RFTN2: variants seen among roughly 807,000 people sequenced by gnomAD.
RFTN2 encodes raftlin-2.
Under a neutral mutation model 52.7 loss-of-function variants are expected in RFTN2, and 34 were observed. That is an observed-to-expected ratio of 0.64 (90% confidence interval 0.49 to 0.86). The LOEUF is 0.86. Ranked by LOEUF, RFTN2 falls within the 40% of genes least tolerant of loss-of-function variation. The probability of loss-of-function intolerance (pLI) is 0.00; values close to 1 mark genes in which losing one functional copy is unlikely to be tolerated. For missense variants in RFTN2, 536 were observed against 600.1 expected, an observed-to-expected ratio of 0.89 and a Z score of 1.12; for synonymous variants, 203 against 217.7, an observed-to-expected ratio of 0.93 and a Z score of 0.59.
intron 1 of RFTN2, 91 bp downstream of exon 1, chr2:197,675,229 A>G: frequency 2.1e-6 from 2 of 946,246 alleles, no homozygotes; most frequent in East Asian, 2.8e-5. Context: ...ATTATGAAGA[A>G]CAGTTTAAAA....
intron 7 of RFTN2, among the ~76,000 whole-genome samples, chr2:197,609,985 T>C (rs1418165020): frequency 2.0e-5 from 3 of 152,224 alleles, no homozygotes; most frequent in Non-Finnish European, 4.4e-5. Context: ...TATATCTGTT[T>C]TGGTACCAGT....
In RFTN2 at chr2:197,675,366, C is replaced by T; in HGVS notation, c.93G>A (p.Lys31=). ...ATACATATTCGTAAGCAAATTCTGT[C>T]TTTGTTTCCACTTGCGGTCTCTTCA... ...STLKRPQVET[K]TEFAYEYVLL... The change falls in exon 1 of 9, where the codon AAG becomes AAA. Residue 31 remains lysine (K), a synonymous_variant. Transcript: ENST00000295049. 1.2e-6 allele frequency: 2 copies of T among 1,604,212 alleles called. No homozygotes were observed. Among genetic ancestry groups the T allele is most frequent in the Non-Finnish European group, 8.5e-7 (1 of 1,175,504 alleles).
At chr2:197,598,347 A>C (rs2087824037) in intron 7 of RFTN2, among the ~76,000 whole-genome samples, 1 of 152,104 alleles carries the variant, frequency 6.6e-6, no homozygotes, top group South Asian at 2.1e-4. Context: ...AGAAAAAAGA[A>C]AAACAAATTC....
intron 1 of RFTN2, among the ~76,000 whole-genome samples, chr2:197,665,264 C>G (rs1559368826): frequency 6.6e-6 from 1 of 152,128 alleles, no homozygotes; most frequent in Non-Finnish European, 1.5e-5. Context: ...AAAACTAAAA[C>G]TGCTCAAAAT....
chr2:197,588,747 C>T (rs1209438402), intron 8 of RFTN2, among the ~76,000 whole-genome samples: 2 of 152,162 alleles, frequency 1.3e-5, no homozygotes, highest in Non-Finnish European at 2.9e-5. Flanking sequence ...TGAGAAGCTG[C>T]CAAACTGTTT....
intron 7 of RFTN2, among the ~76,000 whole-genome samples, chr2:197,602,616 G>T (rs1183337607): frequency 6.6e-6 from 1 of 151,378 alleles, no homozygotes; most frequent in African/African-American, 2.4e-5. Context: ...TTGGCTCACT[G>T]CAACCTCTGT....
At chr2:197,612,204 A>G (rs1165669796) in intron 7 of RFTN2, among the ~76,000 whole-genome samples, 1 of 152,074 alleles carries the variant, frequency 6.6e-6, no homozygotes, top group East Asian at 1.9e-4. Flanking sequence ...CTGCCTTTAA[A>G]TTCTGCCTTC....
At chr2:197,635,010 G>A (rs1274525570) in intron 3 of RFTN2, among the ~76,000 whole-genome samples, 3 of 150,686 alleles carry the variant, frequency 2.0e-5, no homozygotes, top group Non-Finnish European at 4.4e-5. Flanking sequence ...TCTTGCGATA[G>A]TTTACTAAGA....
intron 8 of RFTN2, among the ~76,000 whole-genome samples, chr2:197,575,409 T>G (rs938154046): frequency 1.3e-5 from 2 of 152,208 alleles, no homozygotes; most frequent in Non-Finnish European, 2.9e-5. Flanking sequence ...AAGGGTGAAG[T>G]GGACCCTTTC....
intron 3 of RFTN2, among the ~76,000 whole-genome samples, chr2:197,641,902 T>A (rs1284495594): frequency 1.3e-5 from 2 of 152,214 alleles, no homozygotes; most frequent in Non-Finnish European, 2.9e-5. Flanking sequence ...AACAGTACTT[T>A]CCTGTTTAAA....
chr2:197,624,128 C>T (rs2088312891), intron 5 of RFTN2, among the ~76,000 whole-genome samples: 1 of 151,858 alleles, frequency 6.6e-6, no homozygotes, highest in Admixed American at 6.6e-5. Context: ...ATGGAATCTA[C>T]TCCTGGTGAA....
rs1364501712 is a variant in RFTN2 at position 197,611,946 on chromosome 2, T to G, written c.1154+3930A>C. 2.0e-5 allele frequency among the ~76,000 whole-genome samples: 3 copies of G among 152,170 alleles called. No individual in the cohort carries two copies. The East Asian group carries it at 5.8e-4, about 29-fold the overall frequency. ...TTTGAGTGAGTTTCTTAATCCTGAGTTCTAATTTGATTGCACTGTGGTCTG... is the reference window on the plus strand; with the variant it reads ...TTTGAGTGAGTTTCTTAATCCTGAGGTCTAATTTGATTGCACTGTGGTCTG... On this transcript the variant is annotated intron_variant, in intron 7 of 8. Coordinates refer to ENST00000295049, the MANE Select transcript of RFTN2 (RefSeq NM_144629.3).
intron 7 of RFTN2, among the ~76,000 whole-genome samples, chr2:197,614,338 G>C (rs749975510): frequency 2.0e-5 from 3 of 152,154 alleles, no homozygotes; most frequent in Non-Finnish European, 2.9e-5. Flanking sequence ...AGTTTGGCTG[G>C]AGATGGTTGG....
chr2:197,651,581 A>G (rs1451682535), intron 1 of RFTN2, among the ~76,000 whole-genome samples: 2 of 152,330 alleles, frequency 1.3e-5, no homozygotes, highest in East Asian at 3.9e-4. Context: ...GTGTCACTGC[A>G]TTCCAGCCTG....
intron 8 of RFTN2, among the ~76,000 whole-genome samples, chr2:197,573,164 G>A (rs2087347572): frequency 6.6e-6 from 1 of 152,106 alleles, no homozygotes; most frequent in Non-Finnish European, 1.5e-5. Context: ...GAACTGGGTA[G>A]CATGCAGAGG....
chr2:197,640,048 CTCAGGGG>C (rs1316637485), intron 3 of RFTN2, among the ~76,000 whole-genome samples: 2 of 152,232 alleles, frequency 1.3e-5, no homozygotes, highest in Non-Finnish European at 2.9e-5. Context: ...AGTTAGGCTG[CTCAGGGG>C]TCAGGGGTCA....
chr2:197,666,634 G>T (rs2089067032), intron 1 of RFTN2, among the ~76,000 whole-genome samples: 2 of 152,138 alleles, frequency 1.3e-5, no homozygotes, highest in South Asian at 2.1e-4. Context: ...TTTTTGCATT[G>T]TATGTGTTTG....
intron 7 of RFTN2, among the ~76,000 whole-genome samples, chr2:197,613,204 T>C (rs1297414909): frequency 6.6e-6 from 1 of 152,216 alleles, no homozygotes; most frequent in East Asian, 1.9e-4. Context: ...GGTTTCAACT[T>C]ATCAGAAATT....
At chr2:197,574,601 C>T (rs1453746387) in intron 8 of RFTN2, among the ~76,000 whole-genome samples, 1 of 152,156 alleles carries the variant, frequency 6.6e-6, no homozygotes, top group African/African-American at 2.4e-5. Context: ...GGTGCAGTGG[C>T]TTACACCTGT....
Sources: gnomAD v4.1 joint callset for allele counts (sites outside exome capture counted in the v4.1 genomes callset) on GRCh38, gnomAD v4.1.1 for gene constraint, MANE v1.5 for transcripts, NCBI Gene and HGNC (gene_info 2026-07-23, HGNC 2026-07-21) for gene names.